Variants in FSIP1 observed in about 807,000 individuals in gnomAD.
FSIP1 encodes fibrous sheath-interacting protein 1.
Under a neutral mutation model 60.9 loss-of-function variants are expected in FSIP1, and 65 were observed. The observed-to-expected ratio is 1.07, with a 90% confidence interval of 0.87 to 1.31. FSIP1 has a LOEUF of 1.31. Ranked by LOEUF, FSIP1 falls within the 40% of genes most tolerant of loss-of-function variation. The probability of loss-of-function intolerance (pLI) is 0.00; values close to 1 mark genes in which losing one functional copy is unlikely to be tolerated. For synonymous variants in FSIP1, 209 were observed against 221.2 expected (o/e 0.94, Z 0.49); for missense variants, 675 against 665.5 (o/e 1.01, Z -0.16).
intron 10 of FSIP1, among the ~76,000 whole-genome samples, chr15:39,703,831 T>C (rs915776274): frequency 1.1e-5 from 1 of 89,458 alleles, no homozygotes; most frequent in Non-Finnish European, 2.9e-5. Context: ...ATAAATTATA[T>C]TGATCTATGT....
At chr15:39,707,046 C>T (rs1895301376) in intron 10 of FSIP1, among the ~76,000 whole-genome samples, 1 of 152,186 alleles carries the variant, frequency 6.6e-6, no homozygotes, top group South Asian at 2.1e-4. Context: ...CAGTTACGGT[C>T]TCATAGGTAA....
chr15:39,773,099 A>C (rs1897943155), intron 2 of FSIP1, among the ~76,000 whole-genome samples: 1 of 152,232 alleles, frequency 6.6e-6, no homozygotes. Flanking sequence ...GAAATATATT[A>C]TCACTAAATA....
chr15:39,621,037 G>A (rs549666058), intron 10 of FSIP1, among the ~76,000 whole-genome samples: 2 of 142,426 alleles, frequency 1.4e-5, no homozygotes, highest in Admixed American at 1.4e-4. Context: ...TAATCTTGAA[G>A]CAAGAGAAGG....
At position 39,622,786 on chromosome 15, in the gene FSIP1, C is replaced by T. The variant is rs1376711536; in HGVS notation, c.1189-4541G>A. On this transcript the variant is annotated intron_variant, in intron 10 of 11. Coordinates refer to ENST00000350221, the MANE Select transcript of FSIP1 (RefSeq NM_152597.5). Reference sequence around the variant, plus strand: ...ACCTAAGTGTCTAGCCACATGGCTACACTGCCACTCGCTGTAAATGAGTTC... The same window carrying T: ...ACCTAAGTGTCTAGCCACATGGCTATACTGCCACTCGCTGTAAATGAGTTC... Among the ~76,000 whole-genome samples, 4 of 152,172 alleles carry T rather than the reference C, an allele frequency of 2.6e-5. No individual in the cohort carries two copies. In the East Asian group the frequency reaches 5.8e-4, roughly 22 times the overall value.
intron 10 of FSIP1, among the ~76,000 whole-genome samples, chr15:39,705,079 G>T (rs1404461719): frequency 6.6e-6 from 1 of 152,196 alleles, no homozygotes; most frequent in Non-Finnish European, 1.5e-5. Flanking sequence ...GACCTAAAAA[G>T]TGTGGTCAAT....
intron 5 of FSIP1, among the ~76,000 whole-genome samples, chr15:39,750,143 A>T (rs1897121546): frequency 6.6e-6 from 1 of 151,970 alleles, no homozygotes; most frequent in Non-Finnish European, 1.5e-5. Context: ...ACTATAAAAC[A>T]TTGGTGAAAG....
At chr15:39,616,978 C>T (rs557421236) in intron 11 of FSIP1, among the ~76,000 whole-genome samples, 1 of 152,142 alleles carries the variant, frequency 6.6e-6, no homozygotes, top group Non-Finnish European at 1.5e-5. Context: ...TCAGTGATGA[C>T]TCAGATTTTG....
intron 10 of FSIP1, among the ~76,000 whole-genome samples, chr15:39,695,955 A>G (rs1306987202): frequency 1.3e-5 from 2 of 152,240 alleles, no homozygotes; most frequent in African/African-American, 4.8e-5. Flanking sequence ...CTTCAAAGGT[A>G]GTAGCAGGCG....
chr15:39,672,385 C>T (rs1893756318), intron 10 of FSIP1, among the ~76,000 whole-genome samples: 8 of 152,180 alleles, frequency 5.3e-5, no homozygotes, highest in Admixed American at 5.2e-4. Flanking sequence ...TTAGAAAGGG[C>T]TTGGCTGTGA....
intron 10 of FSIP1, among the ~76,000 whole-genome samples, chr15:39,673,616 C>T (rs932827861): frequency 1.3e-5 from 2 of 152,130 alleles, no homozygotes; most frequent in Non-Finnish European, 2.9e-5. Flanking sequence ...GAGCCTGGCT[C>T]GTAACACATA....
intron 10 of FSIP1, among the ~76,000 whole-genome samples, chr15:39,667,169 T>C (rs891348092): frequency 1.3e-5 from 2 of 152,196 alleles, no homozygotes; most frequent in East Asian, 1.9e-4. Context: ...AAAACTGATA[T>C]TACATTTAAA....
At chr15:39,764,018 G>A (rs34937456) in intron 4 of FSIP1, 104 bp from the exon 5 acceptor site, 188,122 of 627,664 alleles carry the variant, frequency 0.3, 33,332 homozygotes, top group Non-Finnish European at 0.38. Flanking sequence ...GTACAAACGA[G>A]AAGTCTCAGG....
intron 10 of FSIP1, among the ~76,000 whole-genome samples, chr15:39,639,058 T>C (rs1359258306): frequency 6.6e-6 from 1 of 152,200 alleles, no homozygotes; most frequent in African/African-American, 2.4e-5. Flanking sequence ...TCAGAAGTAA[T>C]ACTAAAAGCA....
At chr15:39,763,089 T>G (rs1566917918) in intron 5 of FSIP1, among the ~76,000 whole-genome samples, 2 of 152,190 alleles carry the variant, frequency 1.3e-5, no homozygotes, top group Non-Finnish European at 2.9e-5. Flanking sequence ...AGTTGAGAAT[T>G]TAGCTGATAG....
intron 8 of FSIP1, among the ~76,000 whole-genome samples, chr15:39,731,994 C>T (rs1227134224): frequency 6.6e-6 from 1 of 152,154 alleles, no homozygotes; most frequent in East Asian, 1.9e-4. Context: ...GGACAGGTTT[C>T]CTGGAAGAAA....
chr15:39,661,820 C>T (rs915808393), intron 10 of FSIP1, among the ~76,000 whole-genome samples: 1 of 152,170 alleles, frequency 6.6e-6, no homozygotes, highest in Non-Finnish European at 1.5e-5. Flanking sequence ...GGAAGTCACT[C>T]TTTTTTTCCA....
chr15:39,680,959 C>T (rs1894135969), intron 10 of FSIP1, among the ~76,000 whole-genome samples: 1 of 152,138 alleles, frequency 6.6e-6, no homozygotes, highest in African/African-American at 2.4e-5. Flanking sequence ...TGAACATAGG[C>T]CTATCTGATG....
chr15:39,702,065 T>G (rs927727809), intron 10 of FSIP1, among the ~76,000 whole-genome samples: 11 of 152,108 alleles, frequency 7.2e-5, no homozygotes, highest in African/African-American at 2.7e-4. Context: ...TTGGTAACTC[T>G]CATGGGGGAC....
chr15:39,713,408 T>C (rs1271094553), intron 10 of FSIP1, 36 bp downstream of exon 10: 1 of 1,564,942 alleles, frequency 6.4e-7, no homozygotes, highest in Non-Finnish European at 8.6e-7. Flanking sequence ...CTCTATTTTT[T>C]TCTTAAAAAA....
Sources: allele counts gnomAD v4.1 joint callset (sites outside exome capture counted in the v4.1 genomes callset), GRCh38; gene constraint gnomAD v4.1.1; transcripts MANE v1.5; gene names NCBI Gene and HGNC (gene_info 2026-07-23, HGNC 2026-07-21).